WBP1L: variants seen among roughly 807,000 people sequenced by gnomAD.
WBP1L encodes WW domain binding protein 1-like.
A neutral mutation model predicts 33.7 loss-of-function variants in WBP1L; 17 were observed. That is an observed-to-expected ratio of 0.50 (90% confidence interval 0.34 to 0.76). The LOEUF is 0.76. WBP1L is among the 30% of genes least tolerant of loss of function. WBP1L has a pLI of 0.01. For synonymous variants in WBP1L, 173 were observed against 190.8 expected (o/e 0.91, Z 0.77); for missense variants, 389 against 469.4 (o/e 0.83, Z 1.58).
intron 1 of WBP1L, among the ~76,000 whole-genome samples, chr10:102,768,512 C>A (rs60248169): frequency 1.8e-5 from 1 of 56,570 alleles, no homozygotes; most frequent in East Asian, 1.3e-3. Flanking sequence ...TCAGCCTCCC[C>A]AGTAGCTGTG....
In WBP1L at chr10:102,809,120, C is replaced by T. The variant is rs2134067475; in HGVS notation, c.194-773C>T. Among the ~76,000 whole-genome samples, 3 of 152,292 alleles carry T rather than the reference C, an allele frequency of 2.0e-5. No homozygotes were observed. The South Asian group carries it at 6.2e-4, about 32-fold the overall frequency. On this transcript the variant is annotated intron_variant, in intron 2 of 3. Transcript: ENST00000448841. ...GTTTTGTGACGGTGTCTTGCTCACC[C>T]AGGCTGGAGTGCAATGGTGCAATCT...
chr10:102,786,975 C>G lies in WBP1L; in HGVS notation c.91-11018C>G, dbSNP rs1394973108. Among the ~76,000 whole-genome samples, 4 of 152,194 alleles carry G rather than the reference C, an allele frequency of 2.6e-5. No individual in the cohort carries two copies. In the East Asian group the frequency reaches 7.7e-4, roughly 29 times the overall value. ...AGTCCAGAGCCCTTAAGGAGTAAAC[C>G]ACACTATCAGATCTGAGGGATGAGG... On this transcript the variant is annotated intron_variant, in intron 1 of 3. Coordinates refer to ENST00000448841, the MANE Select transcript of WBP1L (RefSeq NM_001083913.2).
intron 1 of WBP1L, among the ~76,000 whole-genome samples, chr10:102,784,701 A>G (rs970912233): frequency 6.6e-6 from 1 of 151,974 alleles, no homozygotes; most frequent in African/African-American, 2.4e-5. Context: ...CTGGGATTAC[A>G]GGCGTGAGCC....
At chr10:102,773,768 G>T (rs1008113256) in intron 1 of WBP1L, among the ~76,000 whole-genome samples, 1 of 151,678 alleles carries the variant, frequency 6.6e-6, no homozygotes, top group Non-Finnish European at 1.5e-5. Context: ...GCGTGGTGGC[G>T]TGTGCCTGTA....
intron 1 of WBP1L, among the ~76,000 whole-genome samples, chr10:102,770,941 A>G (rs1843179872): frequency 6.6e-6 from 1 of 152,232 alleles, no homozygotes; most frequent in Non-Finnish European, 1.5e-5. Context: ...GTCTTCACTC[A>G]AATCCTTGCT....
intron 2 of WBP1L, among the ~76,000 whole-genome samples, chr10:102,798,924 C>T (rs1400138572): frequency 1.3e-5 from 2 of 152,216 alleles, no homozygotes; most frequent in Non-Finnish European, 2.9e-5. Context: ...AGAGGACCTT[C>T]TGGAGAAAGG....
At chr10:102,784,867 T>C (rs1327819118) in intron 1 of WBP1L, among the ~76,000 whole-genome samples, 2 of 60,756 alleles carry the variant, frequency 3.3e-5, no homozygotes, top group African/African-American at 8.3e-5. Context: ...AGCCCACTTT[T>C]TTTTCTTTTT....
chr10:102,744,338 T>G lies in WBP1L; in HGVS notation c.90+195T>G, dbSNP rs567035376. The G allele has an allele frequency of 4.1e-6, 4 of 975,994 alleles. No homozygotes were observed. The East Asian group carries it at 4.6e-4, about 112-fold the overall frequency. The allele number at this position is 975,994 out of a possible 1,614,324, so 60.5% of individuals were successfully genotyped here. ...TGTGACAGTTTTGGTGTCAAGGAGG[T>G]GGCAGAGGCATGATGCCAAGCGAGT... On this transcript the variant is annotated intron_variant, in intron 1 of 3. Transcript: ENST00000448841.
intron 3 of WBP1L, among the ~76,000 whole-genome samples, chr10:102,810,414 T>C (rs201608493): frequency 1.1e-5 from 1 of 88,622 alleles, no homozygotes; most frequent in East Asian, 3.0e-4. Context: ...TCTTTCTTTC[T>C]TTCCCTGCCT....
In WBP1L at chr10:102,798,067, G is replaced by C; in HGVS notation, c.165G>C (p.Gln55His). The C allele has an allele frequency of 6.2e-7, 1 of 1,614,212 alleles. No individual in the cohort carries two copies. The highest frequency in any genetic ancestry group is 8.5e-7 in the Non-Finnish European group (1 of 1,180,028). ...CDTGHCCGQS[Q>H]CCNYYYELWW... is the part of the protein sequence containing the mutation. ...CAGGACACTGCTGTGGACAGTCTCA[G>C]TGCTGCAACTACTACTATGAACTCT... The change falls in exon 2 of 4, where the codon CAG becomes CAC. Residue 55 changes from glutamine to histidine, a missense_variant. Coordinates refer to ENST00000448841, the MANE Select transcript of WBP1L (RefSeq NM_001083913.2).
At chr10:102,779,548 C>T (rs920242496) in intron 1 of WBP1L, among the ~76,000 whole-genome samples, 5 of 152,044 alleles carry the variant, frequency 3.3e-5, no homozygotes, top group South Asian at 2.1e-4. Flanking sequence ...GTGGTCCGCT[C>T]GCCTCGGCCT....
chr10:102,761,852 A>G (rs566974562), intron 1 of WBP1L, among the ~76,000 whole-genome samples: 11 of 150,530 alleles, frequency 7.3e-5, no homozygotes, highest in African/African-American at 2.4e-4. Flanking sequence ...CCAGGCCTTT[A>G]ATGTTTAATT....
rs60213859 is a variant in WBP1L, at chr10:102,757,569, C to CTTTTTTTTT, written c.90+13441_90+13449dup. On this transcript the variant is annotated intron_variant, in intron 1 of 3. Transcript: ENST00000448841. Reference sequence around the variant, plus strand: ...TCTCAGGGGAAGATGGTTTCTGAGCCTTTTTTTTTTTTTTTTTTTTTTTGT... The same window carrying CTTTTTTTTT: ...TCTCAGGGGAAGATGGTTTCTGAGCCTTTTTTTTTTTTTTTTTTTTTTTTTTTTTTTTGT... Among the ~76,000 whole-genome samples, 85 of 88,814 alleles carry CTTTTTTTTT rather than the reference C, an allele frequency of 9.6e-4. 1 individual carries two copies. Among genetic ancestry groups the CTTTTTTTTT allele is most frequent in the East Asian group, 1.3e-3 (3 of 2,254 alleles). The allele number at this position is 88,814 out of a possible 152,430, so 58.3% of individuals were successfully genotyped here.
chr10:102,760,674 C>T (rs1019023884), intron 1 of WBP1L, among the ~76,000 whole-genome samples: 1 of 151,850 alleles, frequency 6.6e-6, no homozygotes, highest in Non-Finnish European at 1.5e-5. Flanking sequence ...CGTGCCTGGC[C>T]GAGTCTTCCT....
chr10:102,750,368 C>T (rs1842913129), intron 1 of WBP1L, among the ~76,000 whole-genome samples: 2 of 151,578 alleles, frequency 1.3e-5, no homozygotes, highest in African/African-American at 4.8e-5. Flanking sequence ...GCACTCCAGT[C>T]TGGGCGATAG....
chr10:102,790,584 C>T (rs1168616870), intron 1 of WBP1L, among the ~76,000 whole-genome samples: 2 of 152,148 alleles, frequency 1.3e-5, no homozygotes, highest in Non-Finnish European at 2.9e-5. Flanking sequence ...AATCTCGGCT[C>T]ACTGCAACCT....
At chr10:102,811,209 A>G (rs963935016) in intron 3 of WBP1L, among the ~76,000 whole-genome samples, 4 of 152,110 alleles carry the variant, frequency 2.6e-5, no homozygotes, top group African/African-American at 9.6e-5. Flanking sequence ...GTCAGGAGTC[A>G]GTTATAACGT....
At chr10:102,796,875 G>A (rs942449813) in intron 1 of WBP1L, among the ~76,000 whole-genome samples, 4 of 152,304 alleles carry the variant, frequency 2.6e-5, no homozygotes, top group Admixed American at 6.5e-5. Flanking sequence ...GTTAACGTTG[G>A]TCTGGGAGGT....
intron 1 of WBP1L, among the ~76,000 whole-genome samples, chr10:102,789,868 G>A (rs1253294230): frequency 4.0e-5 from 6 of 150,774 alleles, no homozygotes; most frequent in African/African-American, 7.3e-5. Context: ...TCAGCCTCCC[G>A]AGTAGCTGGG....
Sources: gnomAD v4.1 joint callset for allele counts (sites outside exome capture counted in the v4.1 genomes callset) on GRCh38, gnomAD v4.1.1 for gene constraint, MANE v1.5 for transcripts, NCBI Gene and HGNC (gene_info 2026-07-23, HGNC 2026-07-21) for gene names.